P3H1: variants seen among roughly 807,000 people sequenced by gnomAD.
P3H1 encodes the protein prolyl 3-hydroxylase 1.
A neutral mutation model predicts 84.0 loss-of-function variants in P3H1; 69 were observed. The ratio of observed to expected loss-of-function variants is 0.82; its 90% CI spans 0.68 to 1.00. The LOEUF is 1.00. Among genes scored for constraint, P3H1 ranks in the 50% least tolerant of loss-of-function variants. The pLI is 0.00. For missense variants in P3H1, 878 were observed against 962.8 expected (o/e 0.91, Z 1.17); for synonymous variants, 366 against 388.8 (o/e 0.94, Z 0.69).
intron 14 of P3H1, 105 bp from the exon 15 acceptor site, chr1:42,746,957 C>T: frequency 1.2e-6 from 2 of 1,614,208 alleles, no homozygotes; most frequent in Non-Finnish European, 1.7e-6. Context: ...TTAATGGCCC[C>T]AGGCTCATCT....
intron 4 of P3H1, among the ~76,000 whole-genome samples, chr1:42,758,454 A>G (rs1652522558): frequency 6.6e-6 from 1 of 152,216 alleles, no homozygotes; most frequent in South Asian, 2.1e-4. Flanking sequence ...GGGACTCTGC[A>G]AAGAGTTGGT....
At chr1:42,758,264 T>C (rs958492895) in intron 4 of P3H1, among the ~76,000 whole-genome samples, 1 of 152,268 alleles carries the variant, frequency 6.6e-6, no homozygotes, top group African/African-American at 2.4e-5. Context: ...ACTCAATCAT[T>C]AGATCAATTT....
Position 42,757,931 on chromosome 1 carries a change from T to A in P3H1, c.941-9A>T. 1 of 1,612,840 alleles carries A rather than the reference T, an allele frequency of 6.2e-7. No homozygotes were observed. Among genetic ancestry groups the A allele is most frequent in the Non-Finnish European group, 8.5e-7 (1 of 1,178,912 alleles). On this transcript the variant is annotated splice_polypyrimidine_tract_variant and intron_variant, in intron 4 of 14. Transcript: ENST00000296388. ...CTGTGTATAATTCCCAACTGCAAAG[T>A]GGAAAGAAGAATGGCTGAGAGGAAA...
In P3H1 at chr1:42,758,837, G is replaced by C. The variant is rs1354492948; in HGVS notation, c.940+15C>G. 1.9e-6 allele frequency: 3 copies of C among 1,614,034 alleles called. No homozygotes were observed. The highest frequency in any genetic ancestry group is 1.1e-5 in the South Asian group (1 of 91,078). On this transcript the variant is annotated intron_variant, in intron 4 of 14. Coordinates refer to ENST00000296388, the MANE Select transcript of P3H1 (RefSeq NM_022356.4). ...AGTTAGCCAGCAGAGAAAGAGGAAGGAAAGTAGGCCTTACTGTTATAGTAG... is the reference window on the plus strand; with the variant it reads ...AGTTAGCCAGCAGAGAAAGAGGAAGCAAAGTAGGCCTTACTGTTATAGTAG...
Position 42,752,270 on chromosome 1 carries a change from T to C in P3H1, c.1569+4A>G, listed in dbSNP as rs1652143154. ...CACTCTAGAATGCCCAGTGTTGATC[T>C]TACCTTGAGGGCTTTGAAGACAGTG... On this transcript the variant is annotated splice_donor_region_variant and intron_variant, in intron 10 of 14. Transcript: ENST00000296388. 1.9e-6 allele frequency: 3 copies of C among 1,611,842 alleles called. No homozygotes were observed. Among genetic ancestry groups the C allele is most frequent in the Non-Finnish European group, 2.5e-6 (3 of 1,177,992 alleles).
In P3H1 at chr1:42,759,242, T is replaced by C. The variant is rs1652568430; in HGVS notation, c.767A>G (p.Asn256Ser). 1.9e-6 allele frequency: 3 copies of C among 1,614,154 alleles called. No individual in the cohort carries two copies. Among genetic ancestry groups the C allele is most frequent in the East Asian group, 2.2e-5 (1 of 44,874 alleles). ...GAGGTCAGCGTTGTACTCAAGGTAG[T>C]TGTAGCCATCGTAGTCATAGGGCCC... ...CEGPYDYDGY[N>S]YLEYNADLFQ... The change falls in exon 3 of 15, where the codon AAC becomes AGC. Residue 256 changes from asparagine to serine, a missense_variant. By Grantham distance (46) the Asn-to-Ser change is conservative. Coordinates refer to ENST00000296388, the MANE Select transcript of P3H1 (RefSeq NM_022356.4).
At chr1:42,753,282 T>C (rs1652210499) in intron 8 of P3H1, among the ~76,000 whole-genome samples, 1 of 152,218 alleles carries the variant, frequency 6.6e-6, no homozygotes, top group South Asian at 2.1e-4. Flanking sequence ...GTGAAAGTGG[T>C]CTGAAAACAA....
chr1:42,758,924 G>T lies in P3H1; in HGVS notation c.868C>A (p.Pro290Thr). Reference protein sequence around the residue: ...QNCVTELASHPSREKPFEDFL... With the variant: ...QNCVTELASHTSREKPFEDFL... ...TCTTCAAAGGGCTTCTCTCGACTTGGGTGGGAAGCAAGCTCCGTGACACAG... is the reference window on the plus strand; with the variant it reads ...TCTTCAAAGGGCTTCTCTCGACTTGTGTGGGAAGCAAGCTCCGTGACACAG... The change falls in exon 4 of 15, where the codon CCA becomes ACA. Residue 290 changes from proline (P) to threonine (T), a missense_variant. Physicochemically the swap from Pro to Thr is conservative, Grantham distance 38. Coordinates refer to ENST00000296388, the MANE Select transcript of P3H1 (RefSeq NM_022356.4). 6.2e-7 allele frequency: 1 copy of T among 1,613,996 alleles called. No individual in the cohort carries two copies. The highest frequency in any genetic ancestry group is 8.5e-7 in the Non-Finnish European group (1 of 1,179,870).
chr1:42,747,345 A>G lies in P3H1; in HGVS notation c.1982T>C (p.Val661Ala), dbSNP rs540700125. 1 of 1,609,138 alleles carries G rather than the reference A, an allele frequency of 6.2e-7. No homozygotes were observed. Among genetic ancestry groups the G allele is most frequent in the East Asian group, 2.2e-5 (1 of 44,762 alleles). Residue 661 changes from valine (V) to alanine (A), a missense_variant, in exon 14 of 15, where the codon GTG (valine) becomes GCG (alanine). Transcript: ENST00000296388. The part of the protein sequence containing the change: ...FSSGTENPHG[V>A]KAVTRGQRCA... ...GCGCTGCCCCCTGGTGACAGCCTTC[A>G]CTCCATGTGGGTTTTCAGTGCCTGA...
chr1:42,766,709 T>C lies in P3H1; in HGVS notation c.263A>G (p.Asp88Gly). 1 of 1,547,960 alleles carries C rather than the reference T, an allele frequency of 6.5e-7. No homozygotes were observed. The highest frequency in any genetic ancestry group is 1.2e-5 in the South Asian group (1 of 83,388). The change falls in exon 1 of 15, where the codon GAC (aspartate) becomes GGC (glycine). Residue 88 changes from aspartate (D) to glycine (G), a missense_variant. Asp to Gly is a moderately conservative substitution (Grantham distance 94). Coordinates refer to ENST00000296388, the MANE Select transcript of P3H1 (RefSeq NM_022356.4). ...QCAADFPWEL[D>G]PDWSPSPAQA... ...GGCCGGGCTGGGGGACCAGTCGGGG[T>C]CCAGCTCCCACGGGAAGTCGGCGGC...
Position 42,750,650 on chromosome 1 carries a change from C to G in P3H1, c.1570-314G>C, listed in dbSNP as rs76550035. 0.53 allele frequency among the ~76,000 whole-genome samples: 21,701 copies of G among 41,076 alleles called. 6,820 individuals carry two copies. Among genetic ancestry groups the G allele is most frequent in the East Asian group, 0.57 (811 of 1,418 alleles). 26.9% of individuals were successfully genotyped at this position (41,076 alleles called of 152,430 possible). A position where few individuals can be genotyped will look rare whatever the true frequency, so the allele number is the denominator to read the frequency against. ...CAGCCACCCCGTCCGGGAGGGAGGC[C>G]GGGGGGGGTGGTCGGCCAGCCGCCC... On this transcript the variant is annotated intron_variant, in intron 10 of 14. Transcript: ENST00000296388.
At chr1:42,749,816 T>C (rs1651930874) in intron 11 of P3H1, 1 of 248,912 alleles carries the variant, frequency 4.0e-6, no homozygotes, top group Non-Finnish European at 8.1e-6. Context: ...TTGAGGGCTG[T>C]CTTTCAACAG....
chr1:42,751,138 T>C (rs1570461402), intron 10 of P3H1, among the ~76,000 whole-genome samples: 2 of 136,054 alleles, frequency 1.5e-5, no homozygotes, highest in East Asian at 4.3e-4. Flanking sequence ...GCGGGAAGGG[T>C]GGGGAAAAAA....
At position 42,748,204 on chromosome 1, in the gene P3H1, A is replaced by C; in HGVS notation, c.1834T>G (p.Tyr612Asp). 6.2e-7 allele frequency: 1 copy of C among 1,611,364 alleles called. No homozygotes were observed. The highest frequency in any genetic ancestry group is 8.5e-7 in the Non-Finnish European group (1 of 1,177,996). Residue 612 changes from tyrosine (Y) to aspartate (D), a missense_variant, in exon 12 of 15, where the codon TAC becomes GAC. Tyr to Asp is a radical substitution (Grantham distance 160). Transcript: ENST00000296388. ...CTGCACCTGCCCCGCACTCACCTGT[A>C]GTCGCGGAAGGTGTAGGCTGGGGGC... ...KEPPAYTFRD[Y>D]SAILYLNGDF...
Position 42,752,292 on chromosome 1 carries a change from A to G in P3H1, c.1551T>C (p.Thr517=), listed in dbSNP as rs1652145057. 1 of 1,613,946 alleles carries G rather than the reference A, an allele frequency of 6.2e-7. No homozygotes were observed. Among genetic ancestry groups the G allele is most frequent in the Non-Finnish European group, 8.5e-7 (1 of 1,179,870 alleles). ...ATCTTACCTTGAGGGCTTTGAAGAC[A>G]GTGACACCATAGAACTTTTCATTGG... ...HTPNEKFYGV[T]VFKALKLGQE... is the part of the protein sequence containing the mutation. The change falls in exon 10 of 15, where the codon ACT becomes ACC. Residue 517 remains threonine (T), a synonymous_variant. Transcript: ENST00000296388.
chr1:42,746,485 C>A lies in P3H1; in HGVS notation c.*212G>T. On this transcript the variant is annotated 3_prime_UTR_variant, in exon 15 of 15. Transcript: ENST00000296388. ...CCCCTGGGGGTGGCTGGGCCTGTGT[C>A]CTGAGCCCTCAGCCAGATCCAGGGG... 1 of 600,622 alleles carries A rather than the reference C, an allele frequency of 1.7e-6. No individual in the cohort carries two copies. The highest frequency in any genetic ancestry group is 2.0e-5 in the South Asian group (1 of 49,670). The allele number at this position is 600,622 out of a possible 1,614,324, so 37.2% of individuals were successfully genotyped here. A position where few individuals can be genotyped will look rare whatever the true frequency, so the allele number is the denominator to read the frequency against.
rs764833511 is a variant in P3H1 at position 42,752,350 on chromosome 1, T to C, written c.1493A>G (p.Asp498Gly). 6.2e-7 allele frequency: 1 copy of C among 1,614,090 alleles called. No individual in the cohort carries two copies. The highest frequency in any genetic ancestry group is 8.5e-7 in the Non-Finnish European group (1 of 1,180,010). The change falls in exon 10 of 15, where the codon GAT (aspartate) becomes GGT (glycine). Residue 498 changes from aspartate (D) to glycine (G), a missense_variant. By Grantham distance (94) the Asp-to-Gly change is moderately conservative. Transcript: ENST00000296388. ...TGGGGAGGTCTGACCCCGGTAGCCA[T>C]CTCCTGAGGTTGCTGCCACCTACAA... ...RLTNVAATSG[D>G]GYRGQTSPHT...
At chr1:42,749,168 G>A (rs1651896032) in intron 11 of P3H1, among the ~76,000 whole-genome samples, 1 of 152,252 alleles carries the variant, frequency 6.6e-6, no homozygotes, top group Admixed American at 6.5e-5. Flanking sequence ...ACTGCTTGAT[G>A]AGGCCTCCCT....
At chr1:42,751,126 A>T (rs531130676) in intron 10 of P3H1, among the ~76,000 whole-genome samples, 6 of 139,082 alleles carry the variant, frequency 4.3e-5, no homozygotes, top group Admixed American at 3.6e-4. Context: ...TGGAATAGAA[A>T]GGCGGGAAGG....
Sources: gnomAD v4.1 joint callset for allele counts (sites outside exome capture counted in the v4.1 genomes callset) on GRCh38, gnomAD v4.1.1 for gene constraint, MANE v1.5 for transcripts, NCBI Gene and HGNC (gene_info 2026-07-23, HGNC 2026-07-21) for gene names.